SFSWAP: variants seen among roughly 807,000 people sequenced by gnomAD.
SFSWAP encodes the protein splicing factor, suppressor of white-apricot homolog.
Under a neutral mutation model 100.7 loss-of-function variants are expected in SFSWAP, and 17 were observed. That is an observed-to-expected ratio of 0.17 (90% CI 0.12 to 0.25). SFSWAP has a LOEUF of 0.25. Ranked by LOEUF, SFSWAP falls within the 10% of genes least tolerant of loss-of-function variation. The probability of loss-of-function intolerance (pLI) is 1.00; values close to 1 mark genes in which losing one functional copy is unlikely to be tolerated. For synonymous variants in SFSWAP, 504 were observed against 510.1 expected, an observed-to-expected ratio of 0.99 and a Z score of 0.16; for missense variants, 1,005 against 1,262.6, an observed-to-expected ratio of 0.80 and a Z score of 3.09.
In SFSWAP at chr12:131,733,973, G is replaced by T. The variant is rs920972509; in HGVS notation, c.1081+5545G>T. ...CCCTGAGCCCACCCTGGGGCAGGGT[G>T]ACACATGGGAGCAGGTCAGTGCCCT... is the stretch of plus-strand genomic sequence containing the variant. On this transcript the variant is annotated intron_variant, in intron 7 of 17. Coordinates refer to ENST00000261674, the MANE Select transcript of SFSWAP (RefSeq NM_004592.4). This position sits in a 1 kb window ranked among gnomAD's most constrained non-coding sequence, Gnocchi z 5.1. Among the ~76,000 whole-genome samples the T allele has an allele frequency of 3.9e-5, 6 of 152,222 alleles. No individual in the cohort carries two copies. The highest frequency in any genetic ancestry group is 1.4e-4 in the African/African-American group (6 of 41,466).
chr12:131,799,688 G>A lies in SFSWAP; in HGVS notation c.*200G>A. The A allele has an allele frequency of 1.7e-6, 1 of 572,328 alleles. No homozygotes were observed. The highest frequency in any genetic ancestry group is 3.1e-6 in the Non-Finnish European group (1 of 324,344). 35.5% of individuals were successfully genotyped at this position (572,328 alleles called of 1,614,324 possible). On this transcript the variant is annotated 3_prime_UTR_variant, in exon 18 of 18. Coordinates refer to ENST00000261674, the MANE Select transcript of SFSWAP (RefSeq NM_004592.4). ...ATATTTGTAAATATATCATGTTTCT[G>A]TGAAAATGTATTATGAAATAAAATG...
In SFSWAP at chr12:131,753,298, A is replaced by C; in HGVS notation, c.1257A>C (p.Thr419=). ...TTTAPPPPGT[T]PLPPPTTAET... ...CCGCCCCACCACCTCCTGGGACCAC[A>C]CCACTACCGCCCCCAACCACAGCAG... Residue 419 remains threonine, a synonymous_variant, in exon 8 of 18, where the codon ACA becomes ACC. Coordinates refer to ENST00000261674, the MANE Select transcript of SFSWAP (RefSeq NM_004592.4). 6.2e-7 allele frequency: 1 copy of C among 1,611,404 alleles called. No homozygotes were observed. The highest frequency in any genetic ancestry group is 8.5e-7 in the Non-Finnish European group (1 of 1,177,706).
rs1457423063 is a variant in SFSWAP at position 131,730,022 on chromosome 12, A to C, written c.1081+1594A>C. Among the ~76,000 whole-genome samples, 1 of 152,204 alleles carries C rather than the reference A, an allele frequency of 6.6e-6. No homozygotes were observed. The highest frequency in any genetic ancestry group is 2.4e-5 in the African/African-American group (1 of 41,442). ...GAGAATGTCTTTAAATGATTAAATC[A>C]AGTCATATCAAATTTCACTGAATGT... On this transcript the variant is annotated intron_variant, in intron 7 of 17. Coordinates refer to ENST00000261674, the MANE Select transcript of SFSWAP (RefSeq NM_004592.4). This position sits in a 1 kb window ranked among gnomAD's most constrained non-coding sequence, Gnocchi z 4.0.
intron 13 of SFSWAP, among the ~76,000 whole-genome samples, chr12:131,767,150 G>A (rs1005555782): frequency 2.2e-5 from 3 of 137,372 alleles, no homozygotes; most frequent in African/African-American, 8.1e-5. Context: ...ATGCGTGTCC[G>A]AGACCAGAGG....
At chr12:131,729,795 G>A (rs1879332075) in intron 7 of SFSWAP, among the ~76,000 whole-genome samples, 1 of 152,168 alleles carries the variant, frequency 6.6e-6, no homozygotes, top group African/African-American at 2.4e-5. Flanking sequence ...CATTTGTAAA[G>A]CTTATCTCCT....
intron 1 of SFSWAP, chr12:131,712,690 A>T (rs1163243409): frequency 6.6e-6 from 1 of 152,224 alleles, no homozygotes; most frequent in Non-Finnish European, 1.5e-5. Flanking sequence ...GGGCCGCGGA[A>T]TCAGATCATG....
At chr12:131,758,808 A>G (rs751410512) in intron 11 of SFSWAP, among the ~76,000 whole-genome samples, 12 of 152,216 alleles carry the variant, frequency 7.9e-5, no homozygotes, top group Non-Finnish European at 1.2e-4. Flanking sequence ...GTAGCCGGGC[A>G]TGGTGGCACA....
intron 7 of SFSWAP, among the ~76,000 whole-genome samples, chr12:131,750,232 A>G (rs958107616): frequency 4.6e-5 from 7 of 152,204 alleles, no homozygotes; most frequent in Admixed American, 1.3e-4. Context: ...GGAACGGTGT[A>G]GCGGAATTCA....
At chr12:131,764,848 T>C (rs1283692560) in intron 12 of SFSWAP, among the ~76,000 whole-genome samples, 162 bp downstream of exon 12, 1 of 152,256 alleles carries the variant, frequency 6.6e-6, no homozygotes, top group African/African-American at 2.4e-5. Context: ...TGAAACGTTC[T>C]CTTTTAGAGG....
In SFSWAP at chr12:131,733,951, TGA is replaced by T. The variant is rs1019529770; in HGVS notation, c.1081+5525_1081+5526del. 2.1e-4 allele frequency among the ~76,000 whole-genome samples: 32 copies of T among 152,276 alleles called. No individual in the cohort carries two copies. Among genetic ancestry groups the T allele is most frequent in the African/African-American group, 7.7e-4 (32 of 41,556 alleles). On this transcript the variant is annotated intron_variant, in intron 7 of 17. Transcript: ENST00000261674. This position sits in a 1 kb window ranked among gnomAD's most constrained non-coding sequence, Gnocchi z 5.1. ...ACCCCAAACACACACATGGGAGCCC[TGA>T]GCCCACCCTGGGGCAGGGTGACACA...
chr12:131,799,130 C>G (rs946357916), intron 17 of SFSWAP, 21 bp downstream of exon 17: 1 of 1,593,400 alleles, frequency 6.3e-7, no homozygotes, highest in South Asian at 1.1e-5. Context: ...ACGCCCCCCT[C>G]CCGCTCCCAG....
chr12:131,739,536 CTTTTTTTTTTTTTT>C (rs777610140), intron 7 of SFSWAP, among the ~76,000 whole-genome samples: 1,993 of 60,904 alleles, frequency 0.033, 36 homozygotes, highest in African/African-American at 0.088. Flanking sequence ...TCCCCAGTTG[CTTTTTTTTTTTTTT>C]TTTTTTTTTT....
In SFSWAP at chr12:131,733,607, T is replaced by C. The variant is rs186122958; in HGVS notation, c.1081+5179T>C. 1.9e-3 allele frequency among the ~76,000 whole-genome samples: 293 copies of C among 151,708 alleles called. 2 individuals carry two copies. Among genetic ancestry groups the C allele is most frequent in the African/African-American group, 6.8e-3 (282 of 41,350 alleles). On this transcript the variant is annotated intron_variant, in intron 7 of 17. Coordinates refer to ENST00000261674, the MANE Select transcript of SFSWAP (RefSeq NM_004592.4). This position sits in a 1 kb window ranked among gnomAD's most constrained non-coding sequence, Gnocchi z 5.1. ...TTTCTTCACTGTGTTTCTTGGGGGC[T>C]CACCGACTGCAGCCGTATTCCTGGA... is the stretch of plus-strand genomic sequence containing the variant.
chr12:131,740,966 C>CTTTTTTTTTTTTTTTTTTTTTTTTTGT (rs60047663), intron 7 of SFSWAP, among the ~76,000 whole-genome samples: 1 of 70,136 alleles, frequency 1.4e-5, no homozygotes, highest in Non-Finnish European at 2.5e-5. Flanking sequence ...TCTTTTTTTT[C>CTTTTTTTTTTTTTTTTTTTTTTTTTGT]TTTTTTTTTT....
chr12:131,757,800 A>G, intron 11 of SFSWAP: 1 of 152,274 alleles, frequency 6.6e-6, no homozygotes, highest in East Asian at 1.9e-4. Context: ...TTACCTGAGC[A>G]CAAGTGATCC....
intron 16 of SFSWAP, among the ~76,000 whole-genome samples, chr12:131,797,717 G>A (rs1032337449): frequency 3.9e-5 from 6 of 152,118 alleles, no homozygotes; most frequent in African/African-American, 7.2e-5. Flanking sequence ...CCAGGCTGCC[G>A]TGGCTGGAGC....
intron 15 of SFSWAP, among the ~76,000 whole-genome samples, chr12:131,789,938 C>T (rs1022882049): frequency 6.6e-6 from 1 of 152,210 alleles, no homozygotes; most frequent in African/African-American, 2.4e-5. Context: ...TCCCCACCAG[C>T]GAGGAATCCA....
At chr12:131,746,146 G>A (rs1015868873) in intron 7 of SFSWAP, among the ~76,000 whole-genome samples, 1 of 152,254 alleles carries the variant, frequency 6.6e-6, no homozygotes, top group Admixed American at 6.5e-5. Context: ...GGAGATCTCA[G>A]GTGAGTATTG....
At chr12:131,739,238 A>G (rs114441848) in intron 7 of SFSWAP, among the ~76,000 whole-genome samples, 2,017 of 152,274 alleles carry the variant, frequency 0.013, 43 homozygotes, top group African/African-American at 0.045. Flanking sequence ...TAAAAATCTT[A>G]GAAAATAAAC....
Sources: allele counts gnomAD v4.1 joint callset (sites outside exome capture counted in the v4.1 genomes callset), GRCh38; gene constraint gnomAD v4.1.1; non-coding constraint Gnocchi (gnomAD v3.1); transcripts MANE v1.5; gene names NCBI Gene and HGNC (gene_info 2026-07-23, HGNC 2026-07-21).